Variants in VPS13B observed in about 807,000 individuals in gnomAD.
VPS13B encodes intermembrane lipid transfer protein VPS13B.
VPS13B carries 285 observed loss-of-function variants against 426.4 expected under a neutral mutation model. The observed-to-expected ratio is 0.67, with a 90% CI of 0.61 to 0.74. The LOEUF (loss-of-function observed/expected upper bound fraction) is 0.74, where lower values mean the gene tolerates loss of function less well. Ranked by LOEUF, VPS13B falls within the 30% of genes least tolerant of loss-of-function variation. The pLI, the probability that VPS13B is intolerant of heterozygous loss-of-function variation, is 0.00. For synonymous variants in VPS13B, 1,676 were observed against 1,676.4 expected (o/e 1.00, Z 0.01); for missense variants, 4,537 against 4,782.6 (o/e 0.95, Z 1.51).
intron 17 of VPS13B, among the ~76,000 whole-genome samples, chr8:99,267,133 T>C (rs1818348993): frequency 6.6e-6 from 1 of 152,166 alleles, no homozygotes; most frequent in Non-Finnish European, 1.5e-5. Flanking sequence ...GTTTGGAACT[T>C]CCTAGAGACT....
At chr8:99,580,262 A>G (rs1276545969) in intron 33 of VPS13B, among the ~76,000 whole-genome samples, 1 of 150,632 alleles carries the variant, frequency 6.6e-6, no homozygotes, top group African/African-American at 2.4e-5. Context: ...TGTTGATGCA[A>G]CATAGTTCTA....
chr8:99,515,830 T>G (rs1822039906), intron 29 of VPS13B, among the ~76,000 whole-genome samples: 1 of 152,172 alleles, frequency 6.6e-6, no homozygotes, highest in South Asian at 2.1e-4. Context: ...GAAGTTTATT[T>G]TTAGCCTTTT....
chr8:99,658,997 A>AT (rs985543732), intron 34 of VPS13B, among the ~76,000 whole-genome samples: 2 of 151,658 alleles, frequency 1.3e-5, no homozygotes, highest in African/African-American at 4.8e-5. Context: ...GCCCAGCTAA[A>AT]TTTTTTTGTA....
At chr8:99,107,154 G>A (rs934675569) in intron 5 of VPS13B, among the ~76,000 whole-genome samples, 2 of 152,040 alleles carry the variant, frequency 1.3e-5, no homozygotes, top group Non-Finnish European at 2.9e-5. Context: ...TAATGCACGA[G>A]GCTGTATTAA....
In VPS13B at chr8:99,736,445, G is replaced by A. The variant is rs373906421; in HGVS notation, c.7050+15398G>A. On this transcript the variant is annotated intron_variant, in intron 39 of 61. Transcript: ENST00000357162. ...AAAAGTTAGCTGGGTGTGGTGGCAC[G>A]TGCCTGTAGTCCCAGTTACTCAGGA... Among the ~76,000 whole-genome samples, 17 of 152,160 alleles carry A rather than the reference G, an allele frequency of 1.1e-4. No individual in the cohort carries two copies. The East Asian group carries it at 2.1e-3, about 19-fold the overall frequency.
chr8:99,843,931 A>G (rs148169481), intron 54 of VPS13B, among the ~76,000 whole-genome samples: 113 of 152,330 alleles, frequency 7.4e-4, no homozygotes, highest in African/African-American at 2.7e-3. Context: ...AACCATATTC[A>G]TGGTCCTTAA....
intron 21 of VPS13B, among the ~76,000 whole-genome samples, chr8:99,420,517 G>A (rs555100282): frequency 4.6e-5 from 7 of 152,214 alleles, no homozygotes; most frequent in South Asian, 2.1e-4. Context: ...GAATTTCTAC[G>A]TTTATGATTT....
intron 3 of VPS13B, among the ~76,000 whole-genome samples, chr8:99,078,320 CT>C (rs894206772): frequency 7.1e-6 from 1 of 140,972 alleles, no homozygotes; most frequent in Non-Finnish European, 1.6e-5. Flanking sequence ...TTGGGAAAGA[CT>C]TTTTTTCTTA....
intron 19 of VPS13B, 116 bp from the exon 20 acceptor site, chr8:99,384,092 A>C (rs990964106): frequency 2.2e-6 from 2 of 889,350 alleles, no homozygotes; most frequent in East Asian, 2.4e-5. Flanking sequence ...CATCCTTTCC[A>C]ACGCTTGTTA....
chr8:99,225,015 C>A (rs1815936816), intron 17 of VPS13B, among the ~76,000 whole-genome samples: 1 of 152,176 alleles, frequency 6.6e-6, no homozygotes, highest in Admixed American at 6.6e-5. Flanking sequence ...GTAGTTCTAA[C>A]TTCCTGACTC....
intron 39 of VPS13B, among the ~76,000 whole-genome samples, chr8:99,744,016 A>T (rs918150737): frequency 4.6e-5 from 7 of 152,200 alleles, no homozygotes; most frequent in Non-Finnish European, 1.0e-4. Context: ...AACAAAAGAA[A>T]CTACCATCAG....
At chr8:99,064,364 A>G (rs532265738) in intron 3 of VPS13B, among the ~76,000 whole-genome samples, 1 of 152,344 alleles carries the variant, frequency 6.6e-6, no homozygotes, top group Non-Finnish European at 1.5e-5. Flanking sequence ...CCTTGAAAAA[A>G]GATTAGACGA....
chr8:99,204,215 A>G (rs2132767813), intron 17 of VPS13B, among the ~76,000 whole-genome samples: 1 of 152,258 alleles, frequency 6.6e-6, no homozygotes, highest in Non-Finnish European at 1.5e-5. Context: ...CACATCTACA[A>G]CCATCTGATC....
At chr8:99,098,811 A>G (rs1017997287) in intron 4 of VPS13B, among the ~76,000 whole-genome samples, 7 of 152,156 alleles carry the variant, frequency 4.6e-5, no homozygotes, top group African/African-American at 1.7e-4. Context: ...ATGCTATCAT[A>G]CATTTTATTG....
At chr8:99,373,336 A>T (rs915542282) in intron 19 of VPS13B, among the ~76,000 whole-genome samples, 1 of 152,100 alleles carries the variant, frequency 6.6e-6, no homozygotes, top group Non-Finnish European at 1.5e-5. Context: ...ATTAAAAAAA[A>T]AAAAAGAAAA....
intron 25 of VPS13B, among the ~76,000 whole-genome samples, chr8:99,499,478 G>T (rs1821111128): frequency 6.6e-6 from 1 of 152,084 alleles, no homozygotes; most frequent in South Asian, 2.1e-4. Flanking sequence ...CTGTCTGTTG[G>T]AAGGAGGGTT....
chr8:99,464,700 G>A (rs989285722), intron 23 of VPS13B, among the ~76,000 whole-genome samples: 6 of 151,650 alleles, frequency 4.0e-5, no homozygotes, highest in Admixed American at 3.3e-4. Flanking sequence ...GTTCCTTTGG[G>A]GACCTCCTCC....
intron 50 of VPS13B, among the ~76,000 whole-genome samples, chr8:99,823,256 G>A (rs1006874216): frequency 2.0e-5 from 3 of 152,238 alleles, no homozygotes; most frequent in South Asian, 2.1e-4. Flanking sequence ...GTTAATAATA[G>A]TAACTCCCCC....
intron 30 of VPS13B, among the ~76,000 whole-genome samples, chr8:99,524,389 A>G (rs1822538483): frequency 6.6e-6 from 1 of 152,244 alleles, no homozygotes; most frequent in South Asian, 2.1e-4. Flanking sequence ...GTTGTAGAAT[A>G]CAAAGCAGAT....
Sources: gnomAD v4.1 joint callset for allele counts (sites outside exome capture counted in the v4.1 genomes callset) on GRCh38, gnomAD v4.1.1 for gene constraint, MANE v1.5 for transcripts, NCBI Gene and HGNC (gene_info 2026-07-23, HGNC 2026-07-21) for gene names.